The following CHLSN variants were observed in gnomAD, a reference collection of about 807,000 sequenced individuals.
The protein encoded by CHLSN is cholesin.
chr7:1,091,602 T>G, the CHLSN span: 1 of 792,752 alleles, frequency 1.3e-6, no homozygotes, highest in Non-Finnish European at 2.1e-6. Flanking sequence ...CCTGGGGAGT[T>G]TCCTGTCTGA....
At chr7:1,050,659 G>T in the CHLSN span, among the ~76,000 whole-genome samples, 1 of 152,260 alleles carries the variant, frequency 6.6e-6, no homozygotes, top group Non-Finnish European at 1.5e-5. Context: ...CGCAGCCTAG[G>T]AAGCATCTTC....
chr7:1,092,112 C>T, the CHLSN span: 3 of 1,613,874 alleles, frequency 1.9e-6, no homozygotes, highest in South Asian at 1.1e-5. Context: ...ACATCGCCGT[C>T]CTGTGCACCT....
At chr7:1,115,661 C>G in the CHLSN span, among the ~76,000 whole-genome samples, 1 of 126,792 alleles carries the variant, frequency 7.9e-6, no homozygotes, top group African/African-American at 2.9e-5. Context: ...CACTACAGCT[C>G]TAGGACCGGC....
chr7:1,070,866 G>A, the CHLSN span, among the ~76,000 whole-genome samples: 2 of 135,640 alleles, frequency 1.5e-5, no homozygotes, highest in Non-Finnish European at 3.1e-5. Context: ...ATGCACACGG[G>A]TGCGCACACG....
the CHLSN span, among the ~76,000 whole-genome samples, chr7:1,063,438 C>G: frequency 6.6e-6 from 1 of 152,216 alleles, no homozygotes; most frequent in African/African-American, 2.4e-5. Context: ...GTCATTTTCC[C>G]GTGTCCCGTG....
At chr7:982,496 C>T in the CHLSN span, among the ~76,000 whole-genome samples, 45 of 152,340 alleles carry the variant, frequency 3.0e-4, no homozygotes, top group Admixed American at 6.5e-4. Flanking sequence ...GCTCGTAAAC[C>T]CCGCCACCTG....
At chr7:994,409 T>C in the CHLSN span, among the ~76,000 whole-genome samples, 1 of 151,972 alleles carries the variant, frequency 6.6e-6, no homozygotes. Context: ...TCCGCCCACC[T>C]TGGCCCCCCC....
At chr7:1,134,944 C>A in the CHLSN span, among the ~76,000 whole-genome samples, 1 of 152,080 alleles carries the variant, frequency 6.6e-6, no homozygotes. Context: ...CCTTTCCTTC[C>A]CCCATCCCAT....
the CHLSN span, among the ~76,000 whole-genome samples, chr7:1,088,697 C>CCA: frequency 5.4e-3 from 826 of 152,294 alleles, 8 homozygotes; most frequent in African/African-American, 0.019. The surrounding 1 kb of genome is among the most constrained non-coding windows in gnomAD (Gnocchi z 4.5). Context: ...CCTGGGAGGG[C>CCA]CACACGCCTT....
chr7:1,047,981 C>T, the CHLSN span, among the ~76,000 whole-genome samples: 3 of 152,142 alleles, frequency 2.0e-5, no homozygotes, highest in African/African-American at 7.2e-5. Context: ...ACTTCCCCTG[C>T]CTGCAAAGAG....
At chr7:1,008,926 C>T in the CHLSN span, among the ~76,000 whole-genome samples, 972 of 149,060 alleles carry the variant, frequency 6.5e-3, 8 homozygotes, top group South Asian at 0.014. Context: ...TATACACATG[C>T]GCATACATGC....
At chr7:1,115,086 G>C in the CHLSN span, among the ~76,000 whole-genome samples, 2 of 152,346 alleles carry the variant, frequency 1.3e-5, no homozygotes, top group Admixed American at 1.3e-4. Context: ...CTCATGCTTT[G>C]GCGGAGACAA....
the CHLSN span, among the ~76,000 whole-genome samples, chr7:1,076,567 A>T: frequency 1.3e-5 from 2 of 152,256 alleles, no homozygotes; most frequent in East Asian, 3.8e-4. Context: ...GGCAAGCGTC[A>T]TGCACAGGGC....
chr7:1,120,714 C>A, the CHLSN span, among the ~76,000 whole-genome samples: 2 of 152,232 alleles, frequency 1.3e-5, no homozygotes, highest in South Asian at 4.1e-4. Flanking sequence ...CAGCCCCAAG[C>A]TGGAAACAAC....
the CHLSN span, chr7:988,725 C>A: frequency 6.3e-7 from 1 of 1,599,598 alleles, no homozygotes. Context: ...CTGCTGCCCC[C>A]GCCTGGCGTC....
chr7:987,522 G>A, the CHLSN span: 1 of 1,525,106 alleles, frequency 6.6e-7, no homozygotes, highest in Non-Finnish European at 8.8e-7. Flanking sequence ...GCGGCTTCCT[G>A]CTCCCCAAGG....
the CHLSN span, among the ~76,000 whole-genome samples, chr7:1,079,162 C>G: frequency 1.3e-4 from 20 of 152,208 alleles, no homozygotes; most frequent in Non-Finnish European, 2.5e-4. Flanking sequence ...ACGGGAGGAG[C>G]AGGAAGTCAA....
the CHLSN span, among the ~76,000 whole-genome samples, chr7:1,126,127 G>A: frequency 3.3e-5 from 5 of 152,024 alleles, no homozygotes; most frequent in Non-Finnish European, 5.9e-5. Context: ...TTGGGAGGCC[G>A]AGGCAGGTGG....
the CHLSN span, among the ~76,000 whole-genome samples, chr7:1,104,535 CT>C: frequency 9.2e-5 from 14 of 152,394 alleles, no homozygotes; most frequent in African/African-American, 3.4e-4. Context: ...CACAGCAGAG[CT>C]TTCCTCCAGG....
Sources: gnomAD v4.1 joint callset for allele counts (sites outside exome capture counted in the v4.1 genomes callset) on GRCh38, gnomAD v4.1.1 for gene constraint, Gnocchi (gnomAD v3.1) non-coding constraint, MANE v1.5 for transcripts, NCBI Gene and HGNC (gene_info 2026-07-23, HGNC 2026-07-21) for gene names.